The following CLIC6 variants were observed in gnomAD, a reference collection of about 807,000 sequenced individuals.
CLIC6 encodes the protein CLIC family member 6.
In CLIC6, 39 loss-of-function variants were observed where a neutral mutation model predicts 49.2. The ratio of observed to expected loss-of-function variants is 0.79; its 90% CI spans 0.61 to 1.04. The LOEUF is 1.04. Ranked by LOEUF, CLIC6 falls within the 50% of genes least tolerant of loss-of-function variation. The pLI, the probability that CLIC6 is intolerant of heterozygous loss-of-function variation, is 0.00. For missense variants in CLIC6, 988 were observed against 993.1 expected (o/e 0.99, Z 0.07); for synonymous variants, 446 against 433.4 (o/e 1.03, Z -0.36).
intron 5 of CLIC6, among the ~76,000 whole-genome samples, chr21:34,711,623 G>A (rs897584155): frequency 2.0e-5 from 3 of 151,974 alleles, no homozygotes; most frequent in African/African-American, 7.3e-5. Context: ...GTGGGCTCCC[G>A]GCCACCCCTG....
intron 1 of CLIC6, among the ~76,000 whole-genome samples, chr21:34,693,758 T>C (rs1795578103): frequency 6.6e-6 from 1 of 152,188 alleles, no homozygotes; most frequent in South Asian, 2.1e-4. Context: ...ACAGTTACTA[T>C]AGTTCACAAG....
intron 1 of CLIC6, among the ~76,000 whole-genome samples, chr21:34,699,518 C>T (rs1333086903): frequency 4.0e-5 from 6 of 151,658 alleles, no homozygotes; most frequent in Non-Finnish European, 8.8e-5. Context: ...CCCACCTCGG[C>T]CTTCCCAAAG....
intron 1 of CLIC6, among the ~76,000 whole-genome samples, chr21:34,705,619 G>A (rs183392259): frequency 4.1e-4 from 62 of 152,282 alleles, no homozygotes; most frequent in African/African-American, 1.3e-3. Flanking sequence ...AGGATGTGAC[G>A]CACAGGCCCA....
chr21:34,713,471 A>C (rs2056069334), intron 5 of CLIC6, among the ~76,000 whole-genome samples: 1 of 152,238 alleles, frequency 6.6e-6, no homozygotes, highest in Non-Finnish European at 1.5e-5. Flanking sequence ...ACATTGCTGA[A>C]ATTGATTTCC....
intron 1 of CLIC6, among the ~76,000 whole-genome samples, chr21:34,705,355 T>C (rs1416020801): frequency 6.6e-6 from 1 of 152,028 alleles, no homozygotes; most frequent in African/African-American, 2.4e-5. Flanking sequence ...GAGGAGGAGA[T>C]GGGGGTGGCC....
chr21:34,695,306 G>A (rs1480931630), intron 1 of CLIC6, among the ~76,000 whole-genome samples: 1 of 152,226 alleles, frequency 6.6e-6, no homozygotes, highest in African/African-American at 2.4e-5. Flanking sequence ...AGCTGGGAAA[G>A]GTTCTCATTT....
At chr21:34,699,415 C>CTAT (rs1568966335) in intron 1 of CLIC6, among the ~76,000 whole-genome samples, 3 of 134,844 alleles carry the variant, frequency 2.2e-5, no homozygotes, top group Non-Finnish European at 3.2e-5. Flanking sequence ...CCATACCTGG[C>CTAT]TTTTTTTTTT....
At chr21:34,684,401 T>C (rs1989837311) in intron 1 of CLIC6, among the ~76,000 whole-genome samples, 1 of 152,196 alleles carries the variant, frequency 6.6e-6, no homozygotes, top group Non-Finnish European at 1.5e-5. Flanking sequence ...TCTCTGACCA[T>C]GAGGCCTGGC....
intron 1 of CLIC6, among the ~76,000 whole-genome samples, chr21:34,688,376 G>A (rs928575002): frequency 6.6e-6 from 1 of 152,194 alleles, no homozygotes; most frequent in Admixed American, 6.5e-5. Context: ...GAGCGCAGGC[G>A]AGGGAAGACA....
Position 34,716,423 on chromosome 21 carries a change from T to A in CLIC6, c.2002T>A (p.Cys668Ser). ...AYARDEFTNT[C>S]PADQEIEHAY... ...TGCTAGAGATGAGTTCACAAATACG[T>A]GTCCAGCTGATCAAGAGATTGAACA... Residue 668 changes from cysteine (C) to serine (S), a missense_variant, in exon 6 of 6, where the codon TGT (cysteine) becomes AGT (serine). Cys to Ser is a moderately radical substitution (Grantham distance 112). Coordinates refer to ENST00000349499, the MANE Select transcript of CLIC6 (RefSeq NM_053277.3). The A allele has an allele frequency of 6.2e-7, 1 of 1,614,046 alleles. No homozygotes were observed. Among genetic ancestry groups the A allele is most frequent in the Non-Finnish European group, 8.5e-7 (1 of 1,179,944 alleles).
intron 1 of CLIC6, among the ~76,000 whole-genome samples, chr21:34,676,617 G>T (rs1044358971): frequency 4.6e-5 from 7 of 152,194 alleles, no homozygotes; most frequent in African/African-American, 1.7e-4. Context: ...GAAGGGAAGG[G>T]GGATGGACGA....
At position 34,707,997 on chromosome 21, in the gene CLIC6, C is replaced by G. The variant is rs1229983595; in HGVS notation, c.1538C>G (p.Thr513Ser). ...LAPGTNPPFM[T>S]FDGEVKTDVN... The stretch of plus-strand genomic sequence containing the variant: ...CCCGGAACAAACCCTCCTTTCATGA[C>G]TTTTGATGGTGAAGTCAAGACGGAT... Residue 513 changes from threonine (T) to serine (S), a missense_variant, in exon 3 of 6, where the codon ACT becomes AGT. This residue lies in a region of CLIC6 where 647 missense variants were observed against 596.9 expected (regional missense o/e 1.08). Coordinates refer to ENST00000349499, the MANE Select transcript of CLIC6 (RefSeq NM_053277.3). 6.2e-7 allele frequency: 1 copy of G among 1,614,018 alleles called. No homozygotes were observed. The highest frequency in any genetic ancestry group is 8.5e-7 in the Non-Finnish European group (1 of 1,180,030).
chr21:34,677,817 G>T (rs557305142), intron 1 of CLIC6, among the ~76,000 whole-genome samples: 1 of 152,094 alleles, frequency 6.6e-6, no homozygotes, highest in Non-Finnish European at 1.5e-5. Flanking sequence ...TGAGACTGGC[G>T]TATATATACC....
At chr21:34,698,921 C>T (rs1453684431) in intron 1 of CLIC6, among the ~76,000 whole-genome samples, 1 of 152,146 alleles carries the variant, frequency 6.6e-6, no homozygotes. Flanking sequence ...AAAGCAGAAA[C>T]GCTGTGCTGG....
intron 1 of CLIC6, among the ~76,000 whole-genome samples, chr21:34,703,924 A>G (rs972775453): frequency 2.0e-5 from 3 of 152,204 alleles, no homozygotes; most frequent in South Asian, 2.1e-4. Flanking sequence ...CAAACATGCA[A>G]TTCTGGGTTA....
chr21:34,686,964 C>T lies in CLIC6; in HGVS notation c.1374+16202C>T, dbSNP rs115556501. 3.3e-3 allele frequency among the ~76,000 whole-genome samples: 509 copies of T among 152,320 alleles called. 1 individual carries two copies. The highest frequency in any genetic ancestry group is 0.011 in the African/African-American group (476 of 41,558). ...TCAGTGCCACACGGAACAGAAGGATCGCCCAGGCAAACCTCGCTCAAATCC... is the reference window on the plus strand; with the variant it reads ...TCAGTGCCACACGGAACAGAAGGATTGCCCAGGCAAACCTCGCTCAAATCC... On this transcript the variant is annotated intron_variant, in intron 1 of 5. Coordinates refer to ENST00000349499, the MANE Select transcript of CLIC6 (RefSeq NM_053277.3).
chr21:34,686,207 G>A (rs1177073610), intron 1 of CLIC6, among the ~76,000 whole-genome samples: 1 of 152,186 alleles, frequency 6.6e-6, no homozygotes, highest in Non-Finnish European at 1.5e-5. Context: ...TTCAAGACCA[G>A]CCTGGCTAAC....
chr21:34,700,098 C>G (rs1436891233), intron 1 of CLIC6, among the ~76,000 whole-genome samples: 1 of 152,136 alleles, frequency 6.6e-6, no homozygotes, highest in Non-Finnish European at 1.5e-5. Flanking sequence ...CCCCAGGTGG[C>G]CTTTTCCTAT....
rs1201695021 is a variant in CLIC6, at chr21:34,717,221, C to CA, written c.*739_*740insA. 5 of 152,178 alleles carry CA rather than the reference C, an allele frequency of 3.3e-5. No individual in the cohort carries two copies. Among genetic ancestry groups the CA allele is most frequent in the Non-Finnish European group, 7.3e-5 (5 of 68,060 alleles). The allele number at this position is 152,178 out of a possible 1,614,324, so 9.4% of individuals were successfully genotyped here. A position where few individuals can be genotyped will look rare whatever the true frequency, so the allele number is the denominator to read the frequency against. ...TTATCCGTGTCTCTGGTTCCAGCTT[C>CA]CTGTCTTTGCTCCCTCCCCTCTCTT... On this transcript the variant is annotated 3_prime_UTR_variant, in exon 6 of 6. Transcript: ENST00000349499.
Sources: allele counts gnomAD v4.1 joint callset (sites outside exome capture counted in the v4.1 genomes callset), GRCh38; gene constraint gnomAD v4.1.1; regional missense constraint gnomAD v4.1.1; transcripts MANE v1.5; gene names NCBI Gene and HGNC (gene_info 2026-07-23, HGNC 2026-07-21).